C1orf185: variants seen among roughly 807,000 people sequenced by gnomAD.
The protein encoded by C1orf185 is uncharacterized protein C1orf185.
C1orf185 carries 13 observed loss-of-function variants against 16.1 expected under a neutral mutation model. The observed-to-expected ratio is 0.81, with a 90% CI of 0.53 to 1.28. C1orf185 has a LOEUF of 1.28. C1orf185 is among the 50% of genes most tolerant of loss of function. The probability of loss-of-function intolerance (pLI) is 0.00; values close to 1 mark genes in which losing one functional copy is unlikely to be tolerated. For synonymous variants in C1orf185, 80 were observed against 76.9 expected (o/e 1.04, Z -0.21); for missense variants, 220 against 225.2 (o/e 0.98, Z 0.15).
chr1:51,138,449 G>A (rs1237755983), intron 3 of C1orf185, among the ~76,000 whole-genome samples: 3 of 152,078 alleles, frequency 2.0e-5, no homozygotes, highest in African/African-American at 7.2e-5. Context: ...CTGGAGTGCA[G>A]TGGCACAATC....
rs536584995 is a variant in C1orf185, at chr1:51,108,854, C to T, written c.17-3610C>T. Among the ~76,000 whole-genome samples the T allele has an allele frequency of 3.3e-5, 5 of 152,212 alleles. No homozygotes were observed. In the East Asian group the frequency reaches 5.8e-4, roughly 18 times the overall value. Reference sequence around the variant, plus strand: ...TAGATTGATTCCATATCTTGGCTATCGTGAATAATGCTGCAACAAATACAG... The same window carrying T: ...TAGATTGATTCCATATCTTGGCTATTGTGAATAATGCTGCAACAAATACAG... On this transcript the variant is annotated intron_variant, in intron 1 of 4. Coordinates refer to ENST00000371759, the MANE Select transcript of C1orf185 (RefSeq NM_001136508.2).
rs1379764401 is a variant in C1orf185, at chr1:51,147,729, A to T, written c.558A>T (p.Ser186=). 6.4e-6 allele frequency: 10 copies of T among 1,550,422 alleles called. No homozygotes were observed. In the South Asian group the frequency reaches 1.2e-4, roughly 18 times the overall value. The part of the protein sequence containing the change: ...EKVFSYLSTI[S]LEEGTESVLN... ...TATTTTCATACCTGTCAACCATTTC[A>T]TTAGAAGAGGGTACTGAAAGTGTAC... Residue 186 remains serine, a synonymous_variant, in exon 5 of 5, where the codon TCA becomes TCT. Coordinates refer to ENST00000371759, the MANE Select transcript of C1orf185 (RefSeq NM_001136508.2).
chr1:51,145,307 A>ACATAATAATAATAATAAT (rs1553164198), intron 3 of C1orf185, among the ~76,000 whole-genome samples: 1 of 150,526 alleles, frequency 6.6e-6, no homozygotes, highest in Non-Finnish European at 1.5e-5. Flanking sequence ...CCTGTCTCTA[A>ACATAATAATAATAATAAT]AATAATAATA....
intron 3 of C1orf185, among the ~76,000 whole-genome samples, chr1:51,137,983 T>A (rs966107573): frequency 5.9e-5 from 9 of 152,174 alleles, no homozygotes; most frequent in Admixed American, 5.9e-4. Context: ...TTCTCATTTA[T>A]ATGGGAGAGC....
At chr1:51,112,189 C>T (rs1646126553) in intron 1 of C1orf185, among the ~76,000 whole-genome samples, 2 of 151,490 alleles carry the variant, frequency 1.3e-5, no homozygotes, top group South Asian at 4.2e-4. Flanking sequence ...AAGGTGGTGG[C>T]AGCTGTACAA....
intron 3 of C1orf185, among the ~76,000 whole-genome samples, chr1:51,122,353 C>T (rs1488541896): frequency 6.6e-6 from 1 of 152,180 alleles, no homozygotes; most frequent in Non-Finnish European, 1.5e-5. Flanking sequence ...CAGATTACTT[C>T]ATATCTTCAA....
rs138678640 is a variant in C1orf185 at position 51,108,870 on chromosome 1, A to G, written c.17-3594A>G. ...CTTGGCTATCGTGAATAATGCTGCAACAAATACAGGGGTACAGATGTCACT... is the reference window on the plus strand; with the variant it reads ...CTTGGCTATCGTGAATAATGCTGCAGCAAATACAGGGGTACAGATGTCACT... On this transcript the variant is annotated intron_variant, in intron 1 of 4. Coordinates refer to ENST00000371759, the MANE Select transcript of C1orf185 (RefSeq NM_001136508.2). Among the ~76,000 whole-genome samples the G allele has an allele frequency of 5.9e-3, 905 of 152,342 alleles. 4 individuals are homozygous for G. Among genetic ancestry groups the G allele is most frequent in the Middle Eastern group, 0.01 (3 of 294 alleles).
intron 2 of C1orf185, among the ~76,000 whole-genome samples, chr1:51,117,519 T>A (rs1408393568): frequency 6.6e-6 from 1 of 152,068 alleles, no homozygotes. Context: ...TATTCATCCC[T>A]CCCTCCCCCT....
intron 3 of C1orf185, among the ~76,000 whole-genome samples, chr1:51,135,686 C>T (rs1646318961): frequency 6.6e-6 from 1 of 152,048 alleles, no homozygotes. Context: ...TATGACAAAC[C>T]CATACCCAAC....
downstream of C1orf185, among the ~76,000 whole-genome samples, chr1:51,151,682 T>C (rs1646429989): frequency 6.6e-6 from 1 of 151,906 alleles, no homozygotes; most frequent in Non-Finnish European, 1.5e-5. Flanking sequence ...TTTATTTTTA[T>C]TTATTTATTT....
At chr1:51,122,328 A>G (rs979790183) in intron 3 of C1orf185, among the ~76,000 whole-genome samples, 2 of 152,188 alleles carry the variant, frequency 1.3e-5, no homozygotes, top group Admixed American at 1.3e-4. Flanking sequence ...TTCCCCCAAC[A>G]TATATATAAG....
intron 3 of C1orf185, among the ~76,000 whole-genome samples, chr1:51,128,069 A>G (rs1238070894): frequency 6.6e-6 from 1 of 151,560 alleles, no homozygotes; most frequent in Non-Finnish European, 1.5e-5. Flanking sequence ...TTGTATTTTT[A>G]GTAGAGATCA....
chr1:51,145,939 T>C (rs1308537978), intron 4 of C1orf185, among the ~76,000 whole-genome samples, 179 bp downstream of exon 4: 2 of 152,120 alleles, frequency 1.3e-5, no homozygotes, highest in Admixed American at 1.3e-4. Flanking sequence ...AAACAAAACT[T>C]GCAATATCGT....
intron 3 of C1orf185, among the ~76,000 whole-genome samples, chr1:51,127,350 G>A (rs998502834): frequency 6.6e-6 from 1 of 151,790 alleles, no homozygotes; most frequent in Non-Finnish European, 1.5e-5. Context: ...GTGCAATGAT[G>A]CAATCTCAGC....
At chr1:51,149,594 TA>T (rs373735194), downstream of C1orf185, among the ~76,000 whole-genome samples, 26 of 152,318 alleles carry the variant, frequency 1.7e-4, no homozygotes, top group East Asian at 4.8e-3. Context: ...GGTGATGTCC[TA>T]AAACTTCCCT....
At chr1:51,125,951 A>G (rs937669394) in intron 3 of C1orf185, among the ~76,000 whole-genome samples, 6 of 152,110 alleles carry the variant, frequency 3.9e-5, no homozygotes, top group African/African-American at 1.4e-4. Context: ...TGAGCTCAGG[A>G]GTTCAAGACC....
At chr1:51,129,438 T>A (rs1218008872) in intron 3 of C1orf185, among the ~76,000 whole-genome samples, 1 of 152,100 alleles carries the variant, frequency 6.6e-6, no homozygotes. Flanking sequence ...TGTGGTCTTT[T>A]GACATTGGCT....
chr1:51,115,195 G>T (rs1205042006), intron 2 of C1orf185, among the ~76,000 whole-genome samples: 1 of 151,978 alleles, frequency 6.6e-6, no homozygotes, highest in African/African-American at 2.4e-5. Context: ...AAAATTAATC[G>T]GGCATGGTCG....
chr1:51,124,926 C>T lies in C1orf185; in HGVS notation c.258+6125C>T, dbSNP rs181308819. 1.3e-3 allele frequency among the ~76,000 whole-genome samples: 200 copies of T among 152,340 alleles called. 2 individuals are homozygous for T. The highest frequency in any genetic ancestry group is 3.4e-3 in the Middle Eastern group (1 of 294). Reference sequence around the variant, plus strand: ...GCTGGCTTCCTAACCTCATTCCCCACCTCAGAGATTACTCTTCCTTAATCT... The same window carrying T: ...GCTGGCTTCCTAACCTCATTCCCCATCTCAGAGATTACTCTTCCTTAATCT... On this transcript the variant is annotated intron_variant, in intron 3 of 4. Coordinates refer to ENST00000371759, the MANE Select transcript of C1orf185 (RefSeq NM_001136508.2).
Sources: gnomAD v4.1 joint callset for allele counts (sites outside exome capture counted in the v4.1 genomes callset) on GRCh38, gnomAD v4.1.1 for gene constraint, MANE v1.5 for transcripts, NCBI Gene and HGNC (gene_info 2026-07-23, HGNC 2026-07-21) for gene names.